Variants in PCDH15 observed in about 807,000 individuals in gnomAD.
PCDH15 encodes protocadherin-15.
In PCDH15, 129 loss-of-function variants were observed where a neutral mutation model predicts 178.5. The ratio of observed to expected loss-of-function variants is 0.72; its 90% CI spans 0.63 to 0.84. The LOEUF (loss-of-function observed/expected upper bound fraction) is 0.84, where lower values mean the gene tolerates loss of function less well. Ranked by LOEUF, PCDH15 falls within the 40% of genes least tolerant of loss-of-function variation. The probability of loss-of-function intolerance (pLI) is 0.00; values close to 1 mark genes in which losing one functional copy is unlikely to be tolerated. For missense variants in PCDH15, 2,230 were observed against 2,099.9 expected (o/e 1.06, Z -1.21); for synonymous variants, 800 against 732.0 (o/e 1.09, Z -1.50).
At chr10:54,350,293 C>T (rs1565044995) in intron 5 of PCDH15, among the ~76,000 whole-genome samples, 1 of 152,098 alleles carries the variant, frequency 6.6e-6, no homozygotes, top group Non-Finnish European at 1.5e-5. Context: ...GGAGGATGGG[C>T]AGGCTCAGGA....
At chr10:55,309,233 G>A (rs1446855468) in intron 1 of PCDH15, among the ~76,000 whole-genome samples, 1 of 152,114 alleles carries the variant, frequency 6.6e-6, no homozygotes, top group East Asian at 1.9e-4. Context: ...ACAGTTAAAA[G>A]GCTGGGTGCT....
At chr10:55,392,977 GTA>G (rs1200336472) in intron 2 of PCDH15, among the ~76,000 whole-genome samples, 31 of 123,568 alleles carry the variant, frequency 2.5e-4, no homozygotes, top group Middle Eastern at 4.1e-3. Flanking sequence ...GAACTAAAGT[GTA>G]TGTGTGTGTG....
chr10:55,385,181 T>C (rs977948303), intron 2 of PCDH15, among the ~76,000 whole-genome samples: 1 of 152,052 alleles, frequency 6.6e-6, no homozygotes, highest in South Asian at 2.1e-4. Context: ...GCCTAAACAA[T>C]GTCGTATATG....
At chr10:54,934,040 G>T (rs116123675) in intron 2 of PCDH15, among the ~76,000 whole-genome samples, 1 of 152,066 alleles carries the variant, frequency 6.6e-6, no homozygotes, top group Non-Finnish European at 1.5e-5. Context: ...TAACATCAAA[G>T]AACAGTAATT....
At chr10:54,202,601 T>C (rs1591140328) in intron 10 of PCDH15, among the ~76,000 whole-genome samples, 1 of 151,746 alleles carries the variant, frequency 6.6e-6, no homozygotes, top group Non-Finnish European at 1.5e-5. Context: ...TCACCAGAGG[T>C]CGGGAGTTCG....
At chr10:55,336,440 G>A (rs948586976) in intron 2 of PCDH15, among the ~76,000 whole-genome samples, 3 of 152,160 alleles carry the variant, frequency 2.0e-5, no homozygotes, top group Non-Finnish European at 4.4e-5. Context: ...AGAGGTTGCA[G>A]TGAGCCAAGG....
intron 1 of PCDH15, among the ~76,000 whole-genome samples, chr10:55,188,376 A>T (rs1313451029): frequency 2.0e-5 from 3 of 151,838 alleles, no homozygotes; most frequent in Non-Finnish European, 4.4e-5. Flanking sequence ...AAATATCATT[A>T]TTTTATATAT....
At position 54,908,210 on chromosome 10, in the gene PCDH15, G is replaced by C. The variant is rs528409907; in HGVS notation, c.-79-10710C>G. On this transcript the variant is annotated intron_variant, in intron 2 of 5. Transcript: ENST00000458638. Reference sequence around the variant, plus strand: ...GCCTGCCGAGGGTGAGCCTGGCCCAGAGTGGCAAGGGGTGTATGAGTGGGC... The same window carrying C: ...GCCTGCCGAGGGTGAGCCTGGCCCACAGTGGCAAGGGGTGTATGAGTGGGC... Among the ~76,000 whole-genome samples the C allele has an allele frequency of 1.7e-3, 263 of 152,322 alleles. 1 individual carries two copies. The highest frequency in any genetic ancestry group is 2.8e-3 in the Non-Finnish European group (191 of 68,032).
At chr10:54,908,518 T>A (rs1954764275) in intron 2 of PCDH15, among the ~76,000 whole-genome samples, 1 of 152,156 alleles carries the variant, frequency 6.6e-6, no homozygotes, top group South Asian at 2.1e-4. Context: ...CCCTCCTTTT[T>A]GTCACCTGCA....
At chr10:54,166,106 T>C (rs570275080) in intron 13 of PCDH15, among the ~76,000 whole-genome samples, 4 of 152,352 alleles carry the variant, frequency 2.6e-5, no homozygotes, top group African/African-American at 9.6e-5. Flanking sequence ...AATTTGTATC[T>C]TTAATGCCTC....
At chr10:55,463,963 AAGAAAGAAAG>A (rs1839755889) in intron 2 of PCDH15, among the ~76,000 whole-genome samples, 1 of 44,588 alleles carries the variant, frequency 2.2e-5, no homozygotes, top group Admixed American at 2.4e-4. Flanking sequence ...GAAAGAAAGA[AAGAAAGAAAG>A]AGAAAGAAAG....
intron 2 of PCDH15, among the ~76,000 whole-genome samples, chr10:54,949,465 G>C (rs1280071901): frequency 6.6e-6 from 1 of 151,932 alleles, no homozygotes; most frequent in African/African-American, 2.4e-5. Context: ...GGGAGGAACT[G>C]CTGTGAAGAC....
intron 2 of PCDH15, among the ~76,000 whole-genome samples, chr10:55,041,362 T>C (rs959809282): frequency 2.0e-5 from 3 of 152,138 alleles, no homozygotes; most frequent in Non-Finnish European, 4.4e-5. Flanking sequence ...CCATCTAGTT[T>C]TGGAGCTAGA....
intron 1 of PCDH15, among the ~76,000 whole-genome samples, chr10:54,730,743 T>C (rs928082446): frequency 1.4e-4 from 21 of 151,434 alleles, no homozygotes; most frequent in Non-Finnish European, 2.8e-4. Flanking sequence ...TTTCTCACCA[T>C]ATACAAAAAT....
intron 1 of PCDH15, among the ~76,000 whole-genome samples, chr10:55,276,447 A>C (rs1842598677): frequency 2.0e-5 from 3 of 151,180 alleles, no homozygotes; most frequent in Admixed American, 6.6e-5. Context: ...TGTTTATATA[A>C]TTCAAAATAT....
intron 2 of PCDH15, among the ~76,000 whole-genome samples, chr10:54,942,013 A>G (rs747141923): frequency 6.6e-6 from 1 of 152,028 alleles, no homozygotes; most frequent in African/African-American, 2.4e-5. Flanking sequence ...ATCTGATTGC[A>G]CTATTATTTT....
chr10:55,442,388 A>G (rs1366901697), intron 2 of PCDH15, among the ~76,000 whole-genome samples: 1 of 148,428 alleles, frequency 6.7e-6, no homozygotes, highest in Non-Finnish European at 1.5e-5. Context: ...TAATTACCAA[A>G]AAGGCAATGT....
At chr10:54,480,640 G>A (rs1374627474) in intron 3 of PCDH15, among the ~76,000 whole-genome samples, 3 of 151,920 alleles carry the variant, frequency 2.0e-5, no homozygotes, top group African/African-American at 7.2e-5. Flanking sequence ...TGCTGAAAGT[G>A]GATGCTCTTA....
At position 53,804,488 on chromosome 10, in the gene PCDH15, A is replaced by G. The variant is rs566927635; in HGVS notation, c.*2091T>C. ...TTAAGAAAACAAACAAAAAACACAA[A>G]CTTTCCCATCAGGATACTAGAAGCT... On this transcript the variant is annotated 3_prime_UTR_variant, in exon 38 of 38. Coordinates refer to ENST00000644397, the MANE Select transcript of PCDH15 (RefSeq NM_001384140.1). The G allele has an allele frequency of 6.6e-6, 1 of 152,068 alleles. No individual in the cohort carries two copies. Among genetic ancestry groups the G allele is most frequent in the East Asian group, 1.9e-4 (1 of 5,172 alleles). The allele number at this position is 152,068 out of a possible 1,614,324, so 9.4% of individuals were successfully genotyped here.
Sources: gnomAD v4.1 joint callset for allele counts (sites outside exome capture counted in the v4.1 genomes callset) on GRCh38, gnomAD v4.1.1 for gene constraint, MANE v1.5 for transcripts, NCBI Gene and HGNC (gene_info 2026-07-23, HGNC 2026-07-21) for gene names.